Variants in SERPINA9 observed in about 807,000 individuals in gnomAD.
SERPINA9 encodes serpin family A member 9.
A neutral mutation model predicts 24.5 loss-of-function variants in SERPINA9; 32 were observed. The observed-to-expected ratio is 1.30, with a 90% CI of 0.98 to 1.75. The LOEUF (loss-of-function observed/expected upper bound fraction) is 1.75. SERPINA9 is among the 40% of genes most tolerant of loss of function. SERPINA9 has a pLI of 0.00. For missense variants in SERPINA9, 594 were observed against 497.1 expected (o/e 1.19, Z -1.85); for synonymous variants, 233 against 197.7 (o/e 1.18, Z -1.50).
chr14:94,466,365 C>T (rs1247632051), intron 3 of SERPINA9, among the ~76,000 whole-genome samples: 1 of 152,188 alleles, frequency 6.6e-6, no homozygotes, highest in Non-Finnish European at 1.5e-5. Context: ...AACTCCTCAG[C>T]ACCTTTCCTG....
At chr14:94,464,308 T>TCCCC (rs1555374542) in intron 4 of SERPINA9, 1 of 84,310 alleles carries the variant, frequency 1.2e-5, no homozygotes, top group African/African-American at 3.9e-5. Context: ...TCTCTCTCTC[T>TCCCC]CTCTCTCTCT....
In SERPINA9 at chr14:94,463,068, C is replaced by A; in HGVS notation, c.*25G>T. 6.4e-7 allele frequency: 1 copy of A among 1,557,858 alleles called. No individual in the cohort carries two copies. The highest frequency in any genetic ancestry group is 8.9e-7 in the Non-Finnish European group (1 of 1,128,666). On this transcript the variant is annotated 3_prime_UTR_variant, in exon 5 of 5. Transcript: ENST00000674397. ...TATTTCTTGTGCATTAGCAATGTGC[C>A]ATCAGTTAACAGGCCATTTCCCACC...
chr14:94,471,077 A>G (rs759283654), intron 1 of SERPINA9, among the ~76,000 whole-genome samples: 3 of 151,168 alleles, frequency 2.0e-5, no homozygotes, highest in Non-Finnish European at 4.4e-5. Flanking sequence ...AAATTTTATA[A>G]TTTCCCCCCC....
intron 2 of SERPINA9, 127 bp from the exon 3 acceptor site, chr14:94,467,509 C>G: frequency 2.4e-6 from 2 of 819,754 alleles, no homozygotes; most frequent in East Asian, 2.5e-5. Flanking sequence ...AAAAAATGCT[C>G]TGATATTACA....
intron 4 of SERPINA9, 95 bp from the exon 5 acceptor site, chr14:94,463,391 T>C: frequency 9.4e-7 from 1 of 1,065,218 alleles, no homozygotes; most frequent in Non-Finnish European, 1.4e-6. Flanking sequence ...GGAATGGTGA[T>C]GTCTACCTTG....
In SERPINA9 at chr14:94,467,071, C is replaced by T. The variant is rs773889737; in HGVS notation, c.902+38G>A. The T allele has an allele frequency of 1.5e-5, 24 of 1,596,758 alleles. No individual in the cohort carries two copies. In the South Asian group the frequency reaches 2.4e-4, roughly 16 times the overall value. ...CCCTCATCTTTGAATGTGTGCATCC[C>T]CTGCCTCAGGGCCCAGGAGATTGAC... On this transcript the variant is annotated intron_variant, in intron 3 of 4. Transcript: ENST00000674397.
chr14:94,471,224 G>A (rs1899302074), intron 1 of SERPINA9, among the ~76,000 whole-genome samples: 1 of 151,976 alleles, frequency 6.6e-6, no homozygotes, highest in South Asian at 2.1e-4. Context: ...CTTCTCCTAG[G>A]AGCACCGGCA....
Position 94,467,374 on chromosome 14 carries a change from C to T in SERPINA9, c.637G>A (p.Glu213Lys), listed in dbSNP as rs775122463. The change falls in exon 3 of 5, where the codon GAG becomes AAG. Residue 213 changes from glutamate to lysine, a missense_variant. Physicochemically the swap from Glu to Lys is moderately conservative, Grantham distance 56 (BLOSUM62 1). Coordinates refer to ENST00000674397, the MANE Select transcript of SERPINA9 (RefSeq NM_175739.4). ...GTATATTCAGGGTGAAAGGGCTTCT[C>T]CCACTTGGCTAGCACAAAGAGAGAA... ...VNHIFFKAKW[E>K]KPFHPEYTRK... 18 of 1,605,238 alleles carry T rather than the reference C, an allele frequency of 1.1e-5. No homozygotes were observed. In the South Asian group the frequency reaches 1.9e-4, roughly 17 times the overall value.
In SERPINA9 at chr14:94,464,737, A is replaced by G. The variant is rs759192130; in HGVS notation, c.1020T>C (p.Ile340=). The G allele has an allele frequency of 9.9e-6, 16 of 1,613,864 alleles. No homozygotes were observed. In the South Asian group the frequency reaches 1.8e-4, roughly 18 times the overall value. Residue 340 remains isoleucine (I), a synonymous_variant, in exon 4 of 5, where the codon ATT becomes ATC. Transcript: ENST00000674397. ...AAACCTGCAGGGAGTCTCTCTTTGC[A>G]ATTCCAGAAAAATCAGCATTTTTGT... ...VFDKNADFSG[I]AKRDSLQVSK... is the part of the protein sequence containing the mutation.
rs1287732141 is a variant in SERPINA9 at position 94,467,222 on chromosome 14, G to A, written c.789C>T (p.Tyr263=). ...ELNCFVLQMD[Y]KGDAVAFFVL... ...CAAAGAAGGCCACGGCATCTCCCTT[G>A]TAATCCATCTGCAGCACAAAGCAGT... Residue 263 remains tyrosine, a synonymous_variant, in exon 3 of 5, where the codon TAC becomes TAT. Transcript: ENST00000674397. The A allele has an allele frequency of 1.2e-6, 2 of 1,614,224 alleles. No homozygotes were observed. Among genetic ancestry groups the A allele is most frequent in the South Asian group, 2.2e-5 (2 of 91,088 alleles).
At chr14:94,471,851 C>T (rs913903677) in intron 1 of SERPINA9, among the ~76,000 whole-genome samples, 6 of 151,900 alleles carry the variant, frequency 3.9e-5, no homozygotes, top group Non-Finnish European at 8.8e-5. Context: ...GTTCTTCCTC[C>T]CCGAGACATC....
chr14:94,465,046 C>G (rs2139798231), intron 3 of SERPINA9, among the ~76,000 whole-genome samples, 192 bp from the exon 4 acceptor site: 1 of 152,254 alleles, frequency 6.6e-6, no homozygotes, highest in African/African-American at 2.4e-5. Context: ...AGGTCCAGCA[C>G]TAAAAACATG....
Position 94,469,229 on chromosome 14 carries a change from G to A in SERPINA9, c.612C>T (p.Asn204=), listed in dbSNP as rs4900231. ...LDLLTAMVLV[N]HIFFKAKWEK... ...AATCCTTACCTTTAAAGAAAATGTG[G>A]TTCACCAGAACCATGGCCGTCAGAA... Residue 204 remains asparagine, a synonymous_variant, in exon 2 of 5, where the codon AAC becomes AAT. Transcript: ENST00000674397. The A allele has an allele frequency of 0.17, 280,170 of 1,609,172 alleles. 26,068 individuals are homozygous for A. The highest frequency in any genetic ancestry group is 0.19 in the East Asian group (8,625 of 44,800).
At chr14:94,470,236 A>G in intron 1 of SERPINA9, 1 of 1,002,690 alleles carries the variant, frequency 1.0e-6, no homozygotes, top group African/African-American at 1.7e-5. Context: ...TAGCAGCCAG[A>G]AGTGGTTTCT....
chr14:94,475,792 C>T (rs900004177), intron 1 of SERPINA9: 5 of 388,386 alleles, frequency 1.3e-5, no homozygotes, highest in African/African-American at 4.1e-5. Context: ...ACAAAGAAAC[C>T]AACAACGACA....
chr14:94,474,319 T>C (rs12898007), intron 1 of SERPINA9, among the ~76,000 whole-genome samples: 96,407 of 152,108 alleles, frequency 0.63, 30,735 homozygotes, highest in East Asian at 0.72. Context: ...CCAAGTCTTG[T>C]TTCTTTTGGG....
intron 2 of SERPINA9, 30 bp downstream of exon 2, chr14:94,469,183 T>A (rs1899166017): frequency 6.4e-7 from 1 of 1,571,828 alleles, no homozygotes; most frequent in African/African-American, 1.4e-5. Context: ...ATAAAATAAA[T>A]AAATAAAAAT....
chr14:94,463,035 T>A lies in SERPINA9; in HGVS notation c.*58A>T. Reference sequence around the variant, plus strand: ...CACCCTCAGAACAGAAAGAGGGATGTGGTTTGTTATTTCTTGTGCATTAGC... The same window carrying A: ...CACCCTCAGAACAGAAAGAGGGATGAGGTTTGTTATTTCTTGTGCATTAGC... On this transcript the variant is annotated 3_prime_UTR_variant, in exon 5 of 5. Coordinates refer to ENST00000674397, the MANE Select transcript of SERPINA9 (RefSeq NM_175739.4). The A allele has an allele frequency of 7.2e-7, 1 of 1,394,702 alleles. No individual in the cohort carries two copies. Among genetic ancestry groups the A allele is most frequent in the Non-Finnish European group, 1.0e-6 (1 of 980,114 alleles). 86.4% of individuals were successfully genotyped at this position (1,394,702 alleles called of 1,614,324 possible).
chr14:94,467,430 G>A, intron 2 of SERPINA9, 48 bp from the exon 3 acceptor site: 1 of 1,525,080 alleles, frequency 6.6e-7, no homozygotes, highest in Non-Finnish European at 8.9e-7. Context: ...TACAATTAGT[G>A]AGGCAAAGAC....
Sources: gnomAD v4.1 joint callset for allele counts (sites outside exome capture counted in the v4.1 genomes callset) on GRCh38, gnomAD v4.1.1 for gene constraint, MANE v1.5 for transcripts, NCBI Gene and HGNC (gene_info 2026-07-23, HGNC 2026-07-21) for gene names.